TTC39B: variants seen among roughly 807,000 people sequenced by gnomAD.
TTC39B encodes tetratricopeptide repeat domain 39B.
TTC39B carries 92 observed loss-of-function variants against 96.6 expected under a neutral mutation model. That is an observed-to-expected ratio of 0.95 (90% CI 0.80 to 1.13). The LOEUF is 1.13. Among genes scored for constraint, TTC39B ranks in the 50% most tolerant of loss-of-function variants. TTC39B has a pLI of 0.00. For missense variants in TTC39B, 955 were observed against 809.3 expected (o/e 1.18, Z -2.18); for synonymous variants, 367 against 299.4 (o/e 1.23, Z -2.33).
At chr9:15,241,525 A>G (rs1326131661) in intron 2 of TTC39B, among the ~76,000 whole-genome samples, 1 of 152,194 alleles carries the variant, frequency 6.6e-6, no homozygotes, top group African/African-American at 2.4e-5. Context: ...AGAATAAATT[A>G]TAAATTCCTG....
rs1371906528 is a variant in TTC39B at position 15,217,053 on chromosome 9, TGA to T, written c.372-2806_372-2805del. On this transcript the variant is annotated intron_variant, in intron 3 of 19. Coordinates refer to ENST00000512701, the Ensembl canonical transcript of TTC39B. ...GAGCCAGCGATGGGAATATCTAGGT[TGA>T]GGGCAGAGGGGGGATTCTAAACTGG... 8.5e-5 allele frequency among the ~76,000 whole-genome samples: 13 copies of T among 152,142 alleles called. No individual in the cohort carries two copies. The East Asian group carries it at 2.5e-3, about 29-fold the overall frequency.
chr9:15,175,393 C>T (rs79267591), intron 18 of TTC39B, among the ~76,000 whole-genome samples: 19 of 152,178 alleles, frequency 1.2e-4, no homozygotes, highest in African/African-American at 4.3e-4. Context: ...TCAGCGCATA[C>T]GGATCTTTAA....
At chr9:15,260,935 C>T (rs1393734474) in intron 2 of TTC39B, among the ~76,000 whole-genome samples, 1 of 152,200 alleles carries the variant, frequency 6.6e-6, no homozygotes, top group Non-Finnish European at 1.5e-5. Context: ...CCATTGAACA[C>T]ATATGAGTTT....
intron 2 of TTC39B, among the ~76,000 whole-genome samples, chr9:15,248,067 A>T (rs1822364514): frequency 6.6e-6 from 1 of 152,108 alleles, no homozygotes. Flanking sequence ...GCTGTTGAAG[A>T]TTTTTTTTAA....
intron 19 of TTC39B, among the ~76,000 whole-genome samples, chr9:15,172,645 T>C (rs910764714): frequency 1.3e-5 from 2 of 152,120 alleles, no homozygotes; most frequent in African/African-American, 4.8e-5. Context: ...GGCCAATGTC[T>C]TTAAAGGGGG....
At chr9:15,185,642 A>G (rs976523829) in intron 15 of TTC39B, 12 of 431,126 alleles carry the variant, frequency 2.8e-5, no homozygotes, top group Non-Finnish European at 4.9e-5. Flanking sequence ...TCTGAGGCAC[A>G]CTCAAGATTG....
intron 2 of TTC39B, among the ~76,000 whole-genome samples, chr9:15,254,622 C>T (rs1181700006): frequency 6.6e-6 from 1 of 152,098 alleles, no homozygotes; most frequent in Non-Finnish European, 1.5e-5. Context: ...GACCCATCTA[C>T]TGTACCGAGA....
intron 15 of TTC39B, among the ~76,000 whole-genome samples, chr9:15,186,272 T>C (rs997858462): frequency 2.0e-5 from 3 of 152,210 alleles, no homozygotes; most frequent in African/African-American, 7.2e-5. Flanking sequence ...ATCATTTTTG[T>C]TCATTACCGT....
rs766205771 is a variant in TTC39B, at chr9:15,177,685, G to C, written c.1841+12C>G. 1 of 1,577,974 alleles carries C rather than the reference G, an allele frequency of 6.3e-7. No individual in the cohort carries two copies. On this transcript the variant is annotated intron_variant, in intron 18 of 19. Transcript: ENST00000512701. ...AATTTGCACTTGGGCTGGTTTTATTGTTTGGTCTTACCTTTCCACAACATG... is the reference window on the plus strand; with the variant it reads ...AATTTGCACTTGGGCTGGTTTTATTCTTTGGTCTTACCTTTCCACAACATG...
rs1268666089 is a variant in TTC39B at position 15,257,158 on chromosome 9, T to C, written c.275+10756A>G. Among the ~76,000 whole-genome samples, 4 of 152,246 alleles carry C rather than the reference T, an allele frequency of 2.6e-5. No homozygotes were observed. In the East Asian group the frequency reaches 7.7e-4, roughly 29 times the overall value. ...GCTAAATACAGATAAAATGATGTCA[T>C]ATAAAGCATACAGATTAAACTATAG... is the stretch of plus-strand genomic sequence containing the variant. On this transcript the variant is annotated intron_variant, in intron 2 of 19. Coordinates refer to ENST00000512701, the Ensembl canonical transcript of TTC39B.
At chr9:15,275,149 C>G (rs1163832390) in intron 1 of TTC39B, among the ~76,000 whole-genome samples, 2 of 152,040 alleles carry the variant, frequency 1.3e-5, no homozygotes, top group Non-Finnish European at 2.9e-5. Context: ...TCAAGCGATT[C>G]TCCTGCCTCA....
chr9:15,295,126 A>G (rs1456334406), intron 1 of TTC39B, among the ~76,000 whole-genome samples: 3 of 152,186 alleles, frequency 2.0e-5, no homozygotes, highest in Non-Finnish European at 1.5e-5. Flanking sequence ...AATACATTAC[A>G]AACAAACTTA....
At chr9:15,230,771 G>C (rs934028336) in intron 2 of TTC39B, among the ~76,000 whole-genome samples, 6 of 152,122 alleles carry the variant, frequency 3.9e-5, no homozygotes, top group Non-Finnish European at 8.8e-5. Context: ...GATCACTTGA[G>C]GTCAGGAGTT....
At chr9:15,224,709 A>G (rs866718152) in intron 3 of TTC39B, among the ~76,000 whole-genome samples, 3 of 152,366 alleles carry the variant, frequency 2.0e-5, no homozygotes, top group South Asian at 2.1e-4. Context: ...CTATCGAATG[A>G]GTTAGAGGAT....
At chr9:15,282,517 T>C (rs1429794599) in intron 1 of TTC39B, among the ~76,000 whole-genome samples, 2 of 152,194 alleles carry the variant, frequency 1.3e-5, no homozygotes, top group East Asian at 1.9e-4. Context: ...AGTTATACCA[T>C]GAGAAAGGTG....
intron 3 of TTC39B, among the ~76,000 whole-genome samples, chr9:15,217,610 T>C (rs1255316456): frequency 6.6e-6 from 1 of 152,162 alleles, no homozygotes; most frequent in Admixed American, 6.5e-5. Context: ...ACACACGTGT[T>C]CCTCTTCATT....
At chr9:15,264,315 T>C (rs1328864273) in intron 2 of TTC39B, among the ~76,000 whole-genome samples, 1 of 152,160 alleles carries the variant, frequency 6.6e-6, no homozygotes, top group Non-Finnish European at 1.5e-5. Flanking sequence ...GGATTTTTGC[T>C]AAATTAAATT....
At chr9:15,172,893 A>C (rs1817737410) in intron 19 of TTC39B, among the ~76,000 whole-genome samples, 1 of 152,186 alleles carries the variant, frequency 6.6e-6, no homozygotes. Flanking sequence ...ATTATTCATA[A>C]ACTAAAATCA....
intron 2 of TTC39B, among the ~76,000 whole-genome samples, chr9:15,243,540 T>C (rs1409116219): frequency 6.6e-6 from 1 of 152,208 alleles, no homozygotes; most frequent in Non-Finnish European, 1.5e-5. Context: ...AAAAGCACTT[T>C]CGTAAGAACC....
Sources: allele counts gnomAD v4.1 joint callset (sites outside exome capture counted in the v4.1 genomes callset), GRCh38; gene constraint gnomAD v4.1.1; transcripts MANE v1.5; gene names NCBI Gene and HGNC (gene_info 2026-07-23, HGNC 2026-07-21).